Variants in GRM5 observed in about 807,000 individuals in gnomAD.
The protein encoded by GRM5 is metabotropic glutamate receptor 5.
Under a neutral mutation model 83.1 loss-of-function variants are expected in GRM5, and 19 were observed. The observed-to-expected ratio is 0.23, with a 90% CI of 0.16 to 0.34. The LOEUF (loss-of-function observed/expected upper bound fraction) is 0.34, where lower values mean the gene tolerates loss of function less well. Ranked by LOEUF, GRM5 falls within the 10% of genes least tolerant of loss-of-function variation. The pLI, the probability that GRM5 is intolerant of heterozygous loss-of-function variation, is 1.00. For synonymous variants in GRM5, 675 were observed against 633.6 expected, an observed-to-expected ratio of 1.07 and a Z score of -0.98; for missense variants, 1,160 against 1,588.3, an observed-to-expected ratio of 0.73 and a Z score of 4.58.
chr11:88,743,527 C>A lies in GRM5; in HGVS notation c.912-90124G>T, dbSNP rs562354461. Among the ~76,000 whole-genome samples, 4 of 152,220 alleles carry A rather than the reference C, an allele frequency of 2.6e-5. No individual in the cohort carries two copies. In the South Asian group the frequency reaches 8.3e-4, roughly 32 times the overall value. On this transcript the variant is annotated intron_variant, in intron 3 of 9. Coordinates refer to ENST00000305447, the MANE Select transcript of GRM5 (RefSeq NM_001143831.3). ...CTGGAAATGACAGAGCCAGGCCTTT[C>A]TCATAACGACCCTCAATGGTGACCT... is the stretch of plus-strand genomic sequence containing the variant.
chr11:88,710,298 TCTC>T (rs1368264339), intron 3 of GRM5, among the ~76,000 whole-genome samples: 1 of 152,020 alleles, frequency 6.6e-6, no homozygotes, highest in African/African-American at 2.4e-5. Flanking sequence ...AAAAAAATAG[TCTC>T]CACCACATCC....
intron 2 of GRM5, among the ~76,000 whole-genome samples, chr11:88,964,371 GT>G (rs35284482): frequency 1.3e-4 from 19 of 149,182 alleles, no homozygotes; most frequent in African/African-American, 3.2e-4. Context: ...GGCACAGAGG[GT>G]TTTTTTTTTA....
intron 1 of GRM5, among the ~76,000 whole-genome samples, chr11:89,065,124 G>C (rs974522732): frequency 6.6e-6 from 1 of 151,340 alleles, no homozygotes. Flanking sequence ...TTTTAGAAAC[G>C]GAAACTGACA....
At chr11:88,512,557 G>T (rs1941405772) in intron 9 of GRM5, among the ~76,000 whole-genome samples, 1 of 152,164 alleles carries the variant, frequency 6.6e-6, no homozygotes, top group Admixed American at 6.5e-5. Flanking sequence ...TGGATGAATA[G>T]GATTTTTAAG....
intron 2 of GRM5, among the ~76,000 whole-genome samples, chr11:88,904,994 T>C (rs1205338404): frequency 6.6e-6 from 1 of 152,200 alleles, no homozygotes; most frequent in Non-Finnish European, 1.5e-5. Flanking sequence ...TTATTTCTTA[T>C]TGATATATGA....
Position 88,842,412 on chromosome 11 carries a change from A to T in GRM5, c.911+7494T>A, listed in dbSNP as rs550586756. On this transcript the variant is annotated intron_variant, in intron 3 of 9. Coordinates refer to ENST00000305447, the MANE Select transcript of GRM5 (RefSeq NM_001143831.3). ...TTCCCAAAATACTGGCTTATATGTC[A>T]TGGGTTCATTTACTCACCATCTACT... 3.9e-5 allele frequency among the ~76,000 whole-genome samples: 6 copies of T among 152,340 alleles called. No homozygotes were observed. The East Asian group carries it at 1.2e-3, about 29-fold the overall frequency.
At chr11:89,054,461 T>C (rs1941829227) in intron 1 of GRM5, among the ~76,000 whole-genome samples, 1 of 152,084 alleles carries the variant, frequency 6.6e-6, no homozygotes, top group South Asian at 2.1e-4. Context: ...CAAGAAGAGA[T>C]CATTGAATGA....
intron 2 of GRM5, among the ~76,000 whole-genome samples, chr11:88,960,188 A>G (rs756624753): frequency 6.6e-6 from 1 of 152,216 alleles, no homozygotes; most frequent in Non-Finnish European, 1.5e-5. Flanking sequence ...ATGCAGTCAG[A>G]GAAGTAGTAG....
chr11:88,665,448 T>C (rs562227664), intron 3 of GRM5, among the ~76,000 whole-genome samples: 16 of 152,272 alleles, frequency 1.1e-4, no homozygotes, highest in African/African-American at 3.8e-4. Flanking sequence ...ATGTTTTTCC[T>C]GGACAAAATA....
chr11:88,888,612 G>A (rs1425135904), intron 2 of GRM5, among the ~76,000 whole-genome samples: 4 of 152,052 alleles, frequency 2.6e-5, no homozygotes, highest in Non-Finnish European at 4.4e-5. Context: ...TGACATGCCG[G>A]CAAAAAGGTA....
chr11:88,866,121 C>T (rs1051292899), intron 2 of GRM5, among the ~76,000 whole-genome samples: 3 of 151,926 alleles, frequency 2.0e-5, no homozygotes, highest in Non-Finnish European at 4.4e-5. Flanking sequence ...TGTTGCAGCA[C>T]TATTCACAAT....
At chr11:88,562,472 G>A (rs1488119578) in intron 8 of GRM5, among the ~76,000 whole-genome samples, 1 of 152,086 alleles carries the variant, frequency 6.6e-6, no homozygotes, top group Non-Finnish European at 1.5e-5. Context: ...TCAACTTGCA[G>A]TATTTTATGA....
chr11:88,846,887 A>G (rs1944311091), intron 3 of GRM5, among the ~76,000 whole-genome samples: 2 of 152,184 alleles, frequency 1.3e-5, no homozygotes, highest in Admixed American at 1.3e-4. Context: ...AAAAATTTGA[A>G]TTATCTAAAA....
chr11:88,904,617 A>C (rs189141269), intron 2 of GRM5, among the ~76,000 whole-genome samples: 2 of 152,200 alleles, frequency 1.3e-5, no homozygotes, highest in Non-Finnish European at 2.9e-5. Context: ...TCTCTGAACC[A>C]TAAGTGTGGT....
intron 2 of GRM5, among the ~76,000 whole-genome samples, chr11:88,855,473 T>C (rs7938157): frequency 0.41 from 62,670 of 151,642 alleles, 13,094 homozygotes; most frequent in East Asian, 0.5. Context: ...AGTTCCATTA[T>C]TTAATTACGG....
intron 3 of GRM5, among the ~76,000 whole-genome samples, chr11:88,848,928 T>G (rs1330903041): frequency 6.6e-6 from 1 of 152,206 alleles, no homozygotes; most frequent in Admixed American, 6.5e-5. Context: ...GTTTTTTGCC[T>G]GATAGCATGA....
chr11:88,638,465 G>A (rs968485975), intron 4 of GRM5, among the ~76,000 whole-genome samples: 16 of 151,858 alleles, frequency 1.1e-4, no homozygotes, highest in African/African-American at 2.4e-4. Context: ...AGATATTTTC[G>A]TCTGGTTTTG....
intron 7 of GRM5, among the ~76,000 whole-genome samples, chr11:88,585,602 T>C (rs997237698): frequency 6.6e-6 from 1 of 152,192 alleles, no homozygotes; most frequent in Non-Finnish European, 1.5e-5. Context: ...TCATTTTAGT[T>C]TGGCCAGCTC....
intron 2 of GRM5, among the ~76,000 whole-genome samples, chr11:89,022,469 C>T (rs1016999250): frequency 3.5e-5 from 5 of 143,726 alleles, no homozygotes; most frequent in East Asian, 2.0e-4. Flanking sequence ...GGTGAAACTC[C>T]GTCCCTACTA....
Sources: gnomAD v4.1 joint callset for allele counts (sites outside exome capture counted in the v4.1 genomes callset) on GRCh38, gnomAD v4.1.1 for gene constraint, MANE v1.5 for transcripts, NCBI Gene and HGNC (gene_info 2026-07-23, HGNC 2026-07-21) for gene names.